The following NYAP2 variants were observed in gnomAD, a reference collection of about 807,000 sequenced individuals.
The protein encoded by NYAP2 is neuronal tyrosine-phosphorylated phosphoinositide-3-kinase adaptor 2, also known as neuronal tyrosine-phosphorylated phosphoinositide-3-kinase adapter 2.
NYAP2 carries 23 observed loss-of-function variants against 50.4 expected under a neutral mutation model. That is an observed-to-expected ratio of 0.46 (90% CI 0.33 to 0.65). The LOEUF is 0.65. Among genes scored for constraint, NYAP2 ranks in the 30% least tolerant of loss-of-function variants. NYAP2 has a pLI of 0.02. For synonymous variants in NYAP2, 394 were observed against 365.2 expected, an observed-to-expected ratio of 1.08 and a Z score of -0.90; for missense variants, 885 against 861.0, an observed-to-expected ratio of 1.03 and a Z score of -0.35.
chr2:225,430,081 A>C (rs1386760644), intron 3 of NYAP2, among the ~76,000 whole-genome samples: 2 of 151,520 alleles, frequency 1.3e-5, no homozygotes, highest in African/African-American at 2.4e-5. Context: ...ACTCATATTT[A>C]TCTCTCTCTC....
intron 3 of NYAP2, among the ~76,000 whole-genome samples, chr2:225,465,570 G>A (rs986707695): frequency 6.6e-6 from 1 of 152,056 alleles, no homozygotes; most frequent in African/African-American, 2.4e-5. Flanking sequence ...CAAAAAAGTA[G>A]GTGGGCATGG....
chr2:225,615,230 T>C (rs958437665), intron 5 of NYAP2, among the ~76,000 whole-genome samples: 2 of 152,150 alleles, frequency 1.3e-5, no homozygotes, highest in African/African-American at 4.8e-5. Flanking sequence ...ATGTGGCTAG[T>C]CTCTTGACTT....
intron 5 of NYAP2, among the ~76,000 whole-genome samples, chr2:225,619,471 C>A (rs933179892): frequency 6.6e-6 from 1 of 152,118 alleles, no homozygotes; most frequent in East Asian, 1.9e-4. Context: ...CTTCAGTACT[C>A]GTTTGTTACT....
In NYAP2 at chr2:225,487,427, T is replaced by C. The variant is rs540886479; in HGVS notation, c.222-25944T>C. Reference sequence around the variant, plus strand: ...CAGGCTGGAGTGCAGTGGCACAATCTTGGCTCACTGCAACTTCCGCCTCCT... The same window carrying C: ...CAGGCTGGAGTGCAGTGGCACAATCCTGGCTCACTGCAACTTCCGCCTCCT... On this transcript the variant is annotated intron_variant, in intron 3 of 6. Transcript: ENST00000636099. 2.0e-5 allele frequency among the ~76,000 whole-genome samples: 3 copies of C among 152,258 alleles called. No homozygotes were observed. The South Asian group carries it at 6.2e-4, about 32-fold the overall frequency.
intron 3 of NYAP2, among the ~76,000 whole-genome samples, chr2:225,472,815 T>C (rs1237277392): frequency 2.0e-5 from 3 of 152,184 alleles, no homozygotes; most frequent in African/African-American, 4.8e-5. Context: ...TTTTCTTTTA[T>C]TTTTTAATTA....
chr2:225,601,437 C>T (rs916813175), intron 5 of NYAP2, among the ~76,000 whole-genome samples: 1 of 152,140 alleles, frequency 6.6e-6, no homozygotes, highest in Non-Finnish European at 1.5e-5. Context: ...CCAAACCCAG[C>T]CTCTGTTTAA....
intron 3 of NYAP2, among the ~76,000 whole-genome samples, chr2:225,439,562 A>G (rs1203542594): frequency 8.5e-5 from 13 of 152,206 alleles, no homozygotes; most frequent in South Asian, 2.1e-4. Context: ...ACACCAAGGC[A>G]ATGAGAGACA....
At chr2:225,463,806 G>T (rs940409612) in intron 3 of NYAP2, among the ~76,000 whole-genome samples, 1 of 152,202 alleles carries the variant, frequency 6.6e-6, no homozygotes, top group Non-Finnish European at 1.5e-5. Flanking sequence ...TAAGCACAGA[G>T]TTTATCTGGC....
chr2:225,562,643 G>A (rs918544570), intron 4 of NYAP2, among the ~76,000 whole-genome samples: 1 of 152,074 alleles, frequency 6.6e-6, no homozygotes, highest in Non-Finnish European at 1.5e-5. Flanking sequence ...AACATACAGA[G>A]TCGAAGTGGA....
At chr2:225,686,545 A>G in the NYAP2 span, among the ~76,000 whole-genome samples, 1 of 152,176 alleles carries the variant, frequency 6.6e-6, no homozygotes, top group Non-Finnish European at 1.5e-5. Flanking sequence ...TTACTGTACT[A>G]TATTTGTCTG....
the NYAP2 span, among the ~76,000 whole-genome samples, chr2:225,666,022 C>G: frequency 2.0e-5 from 3 of 151,904 alleles, no homozygotes; most frequent in African/African-American, 4.8e-5. Context: ...TGCACACTTT[C>G]TAATGCTGCT....
chr2:225,478,171 T>A, intron 3 of NYAP2, among the ~76,000 whole-genome samples: 1 of 152,146 alleles, frequency 6.6e-6, no homozygotes, highest in Non-Finnish European at 1.5e-5. Context: ...AGAGATGCTG[T>A]TTGTCACAAG....
At chr2:225,479,105 G>A (rs1236885501) in intron 3 of NYAP2, among the ~76,000 whole-genome samples, 4 of 152,162 alleles carry the variant, frequency 2.6e-5, no homozygotes, top group African/African-American at 9.7e-5. Flanking sequence ...AACAGTCAAC[G>A]AGTGGGAGCC....
intron 4 of NYAP2, among the ~76,000 whole-genome samples, chr2:225,561,277 T>C (rs1292496837): frequency 6.6e-6 from 1 of 152,170 alleles, no homozygotes; most frequent in South Asian, 2.1e-4. Flanking sequence ...AAGCAAGCCA[T>C]GTACATCGCT....
chr2:225,510,385 T>G (rs1166214263), intron 3 of NYAP2, among the ~76,000 whole-genome samples: 1 of 152,212 alleles, frequency 6.6e-6, no homozygotes, highest in Non-Finnish European at 1.5e-5. Context: ...CATCTGGATA[T>G]AGTTTTAAAA....
At chr2:225,528,614 T>C (rs944458626) in intron 4 of NYAP2, among the ~76,000 whole-genome samples, 10 of 152,238 alleles carry the variant, frequency 6.6e-5, no homozygotes, top group Non-Finnish European at 1.5e-4. Flanking sequence ...TCCTCACTGC[T>C]GAGTTTCCTC....
rs149291441 is a variant in NYAP2, at chr2:225,437,521, T to C, written c.221+28420T>C. On this transcript the variant is annotated intron_variant, in intron 3 of 6. Coordinates refer to ENST00000636099, the Ensembl canonical transcript of NYAP2. ...GATCACACTGCTTGTAGATCACAAT[T>C]GTTTCATGTTTTCACTTCCTGCCAC... Among the ~76,000 whole-genome samples the C allele has an allele frequency of 7.9e-5, 12 of 152,312 alleles. No individual in the cohort carries two copies. The East Asian group carries it at 2.1e-3, about 27-fold the overall frequency.
intron 5 of NYAP2, among the ~76,000 whole-genome samples, chr2:225,612,147 T>C (rs1198464501): frequency 6.7e-6 from 1 of 148,596 alleles, no homozygotes; most frequent in East Asian, 2.0e-4. Flanking sequence ...TACTACAGGC[T>C]TCTTTATGAC....
chr2:225,640,167 C>T (rs952954240), intron 6 of NYAP2, among the ~76,000 whole-genome samples: 16 of 152,192 alleles, frequency 1.1e-4, no homozygotes, highest in African/African-American at 3.6e-4. Context: ...TCAACGTGAA[C>T]AGGCTGCCCC....
Sources: gnomAD v4.1 joint callset for allele counts (sites outside exome capture counted in the v4.1 genomes callset) on GRCh38, gnomAD v4.1.1 for gene constraint, MANE v1.5 for transcripts, NCBI Gene and HGNC (gene_info 2026-07-23, HGNC 2026-07-21) for gene names.